The following EPHA5 variants were observed in gnomAD, a reference collection of about 807,000 sequenced individuals.
EPHA5 encodes ephrin type-A receptor 5.
EPHA5 carries 60 observed loss-of-function variants against 105.0 expected under a neutral mutation model. That is an observed-to-expected ratio of 0.57 (90% CI 0.46 to 0.71). The LOEUF (loss-of-function observed/expected upper bound fraction) is 0.71. Among genes scored for constraint, EPHA5 ranks in the 30% least tolerant of loss-of-function variants. The pLI is 0.00. For synonymous variants in EPHA5, 513 were observed against 449.1 expected, an observed-to-expected ratio of 1.14 and a Z score of -1.80; for missense variants, 1,218 against 1,274.7, an observed-to-expected ratio of 0.96 and a Z score of 0.68.
rs568447799 is a variant in EPHA5 at position 65,569,491 on chromosome 4, A to G, written c.910+32150T>C. ...AGTAATTAAAATAATGTTTTATTTG[A>G]GTTTTCAAATGTATTTCCTTAAACA... On this transcript the variant is annotated intron_variant, in intron 3 of 16. Coordinates refer to ENST00000613740, the MANE Select transcript of EPHA5 (RefSeq NM_001281766.3). Among the ~76,000 whole-genome samples, 7 of 151,806 alleles carry G rather than the reference A, an allele frequency of 4.6e-5. No individual in the cohort carries two copies. In the East Asian group the frequency reaches 1.4e-3, roughly 29 times the overall value.
chr4:65,495,917 T>C (rs1560607116), intron 3 of EPHA5, among the ~76,000 whole-genome samples: 1 of 152,206 alleles, frequency 6.6e-6, no homozygotes, highest in South Asian at 2.1e-4. Context: ...ATAAATATTA[T>C]TCCATGTACT....
intron 3 of EPHA5, among the ~76,000 whole-genome samples, chr4:65,520,966 G>T (rs918060099): frequency 6.6e-6 from 1 of 152,122 alleles, no homozygotes; most frequent in Non-Finnish European, 1.5e-5. Flanking sequence ...AGACAGTTTG[G>T]CGATTCCTCA....
intron 8 of EPHA5, among the ~76,000 whole-genome samples, chr4:65,378,663 A>G (rs1426364512): frequency 1.3e-5 from 2 of 151,918 alleles, no homozygotes; most frequent in Non-Finnish European, 2.9e-5. Context: ...GGGGCAGAGA[A>G]TGTATGTCTT....
At chr4:65,408,089 T>G (rs535912839) in intron 7 of EPHA5, among the ~76,000 whole-genome samples, 185 of 152,302 alleles carry the variant, frequency 1.2e-3, no homozygotes, top group African/African-American at 4.2e-3. Flanking sequence ...TAAGAAATGA[T>G]TCATCAAGAT....
At chr4:65,463,081 A>G (rs1269873792) in intron 5 of EPHA5, among the ~76,000 whole-genome samples, 2 of 152,194 alleles carry the variant, frequency 1.3e-5, no homozygotes, top group African/African-American at 2.4e-5. Context: ...TAGTACACTG[A>G]CATAAGTATT....
chr4:65,578,281 C>T (rs370553377), intron 3 of EPHA5, among the ~76,000 whole-genome samples: 1 of 152,218 alleles, frequency 6.6e-6, no homozygotes, highest in Non-Finnish European at 1.5e-5. Flanking sequence ...TAACAGTAGG[C>T]TTTGCTAATT....
At position 65,643,523 on chromosome 4, in the gene EPHA5, C is replaced by T. The variant is rs143572867; in HGVS notation, c.182-96G>A. ...TGTTATTAAAATTGCATGTTGTTTA[C>T]ATAACTGAAATTAAGTGTTCATTAT... On this transcript the variant is annotated intron_variant, in intron 1 of 16. Coordinates refer to ENST00000613740, the MANE Select transcript of EPHA5 (RefSeq NM_001281766.3). 1.4e-3 allele frequency: 1,392 copies of T among 1,004,088 alleles called. 14 individuals carry two copies. In the African/African-American group the frequency reaches 0.021, roughly 15 times the overall value. 62.2% of individuals were successfully genotyped at this position (1,004,088 alleles called of 1,614,324 possible). A position where few individuals can be genotyped will look rare whatever the true frequency, so the allele number is the denominator to read the frequency against.
At chr4:65,428,679 GTT>G in intron 5 of EPHA5, among the ~76,000 whole-genome samples, 1 of 152,010 alleles carries the variant, frequency 6.6e-6, no homozygotes, top group Non-Finnish European at 1.5e-5. Flanking sequence ...GTATAGTTTG[GTT>G]TTTTTCAAAG....
intron 7 of EPHA5, among the ~76,000 whole-genome samples, chr4:65,411,257 T>G (rs981863398): frequency 1.3e-5 from 2 of 152,060 alleles, no homozygotes; most frequent in African/African-American, 2.4e-5. Context: ...CGTTTCCTGT[T>G]GGTACTACTG....
chr4:65,417,876 A>C (rs2149029770), intron 6 of EPHA5, among the ~76,000 whole-genome samples: 1 of 152,270 alleles, frequency 6.6e-6, no homozygotes, highest in Admixed American at 6.5e-5. Flanking sequence ...TGAATATTAT[A>C]TACATAATGA....
At chr4:65,427,861 C>T (rs1724597805) in intron 5 of EPHA5, among the ~76,000 whole-genome samples, 1 of 152,114 alleles carries the variant, frequency 6.6e-6, no homozygotes, top group African/African-American at 2.4e-5. Context: ...ACTGTCTACA[C>T]TGAATTTTGG....
In EPHA5 at chr4:65,365,975, C is replaced by A; in HGVS notation, c.1944G>T (p.Glu648Asp). 6.2e-7 allele frequency: 1 copy of A among 1,609,506 alleles called. No individual in the cohort carries two copies. Among genetic ancestry groups the A allele is most frequent in the Non-Finnish European group, 8.5e-7 (1 of 1,176,834 alleles). Reference sequence around the variant, plus strand: ...CAATGGTGATACATGATGCTTCTATCTCCTTAGCAAATTCGTGGACAGCTT... The same window carrying A: ...CAATGGTGATACATGATGCTTCTATATCCTTAGCAAATTCGTGGACAGCTT... ...PNQAVHEFAK[E>D]IEASCITIER... The change falls in exon 10 of 17, where the codon GAG (glutamate) becomes GAT (aspartate). Residue 648 changes from glutamate (E) to aspartate (D), a missense_variant. By Grantham distance (45) the Glu-to-Asp change is conservative. Coordinates refer to ENST00000613740, the MANE Select transcript of EPHA5 (RefSeq NM_001281766.3).
intron 16 of EPHA5, chr4:65,331,357 G>T: frequency 2.9e-6 from 3 of 1,038,754 alleles, no homozygotes; most frequent in Non-Finnish European, 3.5e-6. Flanking sequence ...ATTTAATAAG[G>T]TTTGATAAAT....
chr4:65,607,891 A>C (rs916723720), intron 2 of EPHA5, among the ~76,000 whole-genome samples: 1 of 152,230 alleles, frequency 6.6e-6, no homozygotes, highest in African/African-American at 2.4e-5. Flanking sequence ...ATGCATGTTT[A>C]CTGCAGCACT....
chr4:65,586,742 C>A (rs1430187078), intron 3 of EPHA5, among the ~76,000 whole-genome samples: 1 of 151,788 alleles, frequency 6.6e-6, no homozygotes, highest in Non-Finnish European at 1.5e-5. Context: ...CATATTTAAT[C>A]TACATTAATC....
At chr4:65,430,460 T>C (rs1724864085) in intron 5 of EPHA5, among the ~76,000 whole-genome samples, 1 of 152,078 alleles carries the variant, frequency 6.6e-6, no homozygotes, top group African/African-American at 2.4e-5. Context: ...AATAGATGTA[T>C]GTATGAATAC....
intron 3 of EPHA5, among the ~76,000 whole-genome samples, chr4:65,598,967 G>A (rs905903884): frequency 6.6e-6 from 1 of 152,022 alleles, no homozygotes; most frequent in South Asian, 2.1e-4. Context: ...TGTGTGAAGG[G>A]GGGAGGTTTC....
intron 3 of EPHA5, among the ~76,000 whole-genome samples, chr4:65,513,447 C>G (rs530470557): frequency 1.3e-5 from 2 of 152,070 alleles, no homozygotes; most frequent in East Asian, 1.9e-4. Context: ...AGTGCAGTGA[C>G]GCAATCTTGG....
intron 1 of EPHA5, among the ~76,000 whole-genome samples, chr4:65,656,546 A>G (rs1370954881): frequency 2.7e-5 from 4 of 148,446 alleles, no homozygotes; most frequent in Non-Finnish European, 5.9e-5. Flanking sequence ...TACTATTTAT[A>G]TGTAGTATAC....
Sources: allele counts gnomAD v4.1 joint callset (sites outside exome capture counted in the v4.1 genomes callset), GRCh38; gene constraint gnomAD v4.1.1; transcripts MANE v1.5; gene names NCBI Gene and HGNC (gene_info 2026-07-23, HGNC 2026-07-21).